The following PRKCA variants were observed in gnomAD, a reference collection of about 807,000 sequenced individuals.
The protein encoded by PRKCA is protein kinase C alpha type.
Under a neutral mutation model 87.0 loss-of-function variants are expected in PRKCA, and 27 were observed. The observed-to-expected ratio is 0.31, with a 90% CI of 0.23 to 0.43. The LOEUF (loss-of-function observed/expected upper bound fraction) is 0.43. Among genes scored for constraint, PRKCA ranks in the 20% least tolerant of loss-of-function variants. PRKCA has a pLI of 1.00. For missense variants in PRKCA, 518 were observed against 852.3 expected (o/e 0.61, Z 4.88); for synonymous variants, 329 against 311.1 (o/e 1.06, Z -0.61).
At chr17:66,569,528 C>T (rs1376544502) in intron 3 of PRKCA, among the ~76,000 whole-genome samples, 2 of 151,982 alleles carry the variant, frequency 1.3e-5, no homozygotes, top group African/African-American at 4.8e-5. Context: ...GAGACCATGC[C>T]ACTGCACTCC....
intron 2 of PRKCA, among the ~76,000 whole-genome samples, chr17:66,390,920 A>ACTCT (rs10637744): frequency 0.75 from 113,372 of 150,712 alleles, 43,558 homozygotes; most frequent in South Asian, 0.87. Flanking sequence ...AAAGGAACCA[A>ACTCT]GTAGCAGAGG....
intron 3 of PRKCA, among the ~76,000 whole-genome samples, chr17:66,516,234 G>C (rs1200751674): frequency 2.0e-5 from 3 of 152,160 alleles, no homozygotes; most frequent in Non-Finnish European, 2.9e-5. Flanking sequence ...GGGTATTAAA[G>C]GAGGGATCAA....
intron 3 of PRKCA, among the ~76,000 whole-genome samples, chr17:66,514,055 C>A (rs564111207): frequency 6.6e-6 from 1 of 152,256 alleles, no homozygotes; most frequent in Admixed American, 6.5e-5. Flanking sequence ...ATTCACATAA[C>A]TTTTATTACA....
At position 66,804,061 on chromosome 17, in the gene PRKCA, C is replaced by G; in HGVS notation, c.*24C>G. On this transcript the variant is annotated 3_prime_UTR_variant, in exon 17 of 17. Coordinates refer to ENST00000413366, the MANE Select transcript of PRKCA (RefSeq NM_002737.3). ...GAAACTCACCAGCGAGAACAAACAC[C>G]TCCCCAGCCCCCAGCCCTCCCCGCA... is the stretch of plus-strand genomic sequence containing the variant. 1 of 1,590,088 alleles carries G rather than the reference C, an allele frequency of 6.3e-7. No homozygotes were observed. Among genetic ancestry groups the G allele is most frequent in the Non-Finnish European group, 8.6e-7 (1 of 1,161,068 alleles).
chr17:66,716,345 G>T (rs1246872831), intron 8 of PRKCA, among the ~76,000 whole-genome samples: 8 of 152,206 alleles, frequency 5.3e-5, no homozygotes, highest in Non-Finnish European at 7.3e-5. Flanking sequence ...TTCCAAAAAT[G>T]ATTAAGTGCC....
At chr17:66,705,324 G>A (rs1236349293) in intron 8 of PRKCA, among the ~76,000 whole-genome samples, 1 of 152,174 alleles carries the variant, frequency 6.6e-6, no homozygotes, top group East Asian at 1.9e-4. Context: ...GCCAACAGAG[G>A]TTAACCTGGC....
At chr17:66,507,385 C>T (rs1247974870) in intron 3 of PRKCA, among the ~76,000 whole-genome samples, 1 of 152,172 alleles carries the variant, frequency 6.6e-6, no homozygotes, top group African/African-American at 2.4e-5. Flanking sequence ...TCTTTTTCCA[C>T]AGTACCACGT....
At chr17:66,325,501 G>A (rs745400783) in intron 2 of PRKCA, among the ~76,000 whole-genome samples, 1 of 152,146 alleles carries the variant, frequency 6.6e-6, no homozygotes, top group Non-Finnish European at 1.5e-5. Flanking sequence ...ACTAGGAGTA[G>A]ACTTGTGTTT....
At chr17:66,727,106 G>A (rs1973772941) in intron 8 of PRKCA, among the ~76,000 whole-genome samples, 1 of 152,194 alleles carries the variant, frequency 6.6e-6, no homozygotes, top group South Asian at 2.1e-4. Context: ...TGGGCTAGGG[G>A]AGGTCCCCAA....
chr17:66,758,729 C>G (rs969841118), intron 13 of PRKCA, among the ~76,000 whole-genome samples: 1 of 152,164 alleles, frequency 6.6e-6, no homozygotes, highest in Non-Finnish European at 1.5e-5. Context: ...TCGCAGTAGC[C>G]TCTCATCTTT....
At chr17:66,781,599 G>C (rs749953213) in intron 14 of PRKCA, among the ~76,000 whole-genome samples, 4 of 152,146 alleles carry the variant, frequency 2.6e-5, no homozygotes, top group Non-Finnish European at 5.9e-5. Context: ...GCCAGTCACA[G>C]GGACGTGTAT....
chr17:66,490,389 G>T (rs1441468388), intron 2 of PRKCA, among the ~76,000 whole-genome samples: 5 of 144,306 alleles, frequency 3.5e-5, no homozygotes, highest in African/African-American at 1.3e-4. Flanking sequence ...TGCTACCCAT[G>T]CTGGAGTGCA....
At chr17:66,638,743 G>A (rs1049260767) in intron 3 of PRKCA, among the ~76,000 whole-genome samples, 1 of 152,112 alleles carries the variant, frequency 6.6e-6, no homozygotes, top group African/African-American at 2.4e-5. Flanking sequence ...AGCTACTCGG[G>A]GGGCTGAGGC....
In PRKCA at chr17:66,660,730, AATATAT is replaced by A. The variant is rs533787939; in HGVS notation, c.529+15227_529+15232del. Among the ~76,000 whole-genome samples, 3 of 151,506 alleles carry A rather than the reference AATATAT, an allele frequency of 2.0e-5. No homozygotes were observed. In the East Asian group the frequency reaches 5.8e-4, roughly 29 times the overall value. On this transcript the variant is annotated intron_variant, in intron 5 of 16. Transcript: ENST00000413366. The stretch of plus-strand genomic sequence containing the variant: ...CGGTGAAAACCTGTCTCTACTAAAA[AATATAT>A]ATATATAATAACAATACAAAAAATT...
chr17:66,762,898 C>A (rs749852698), intron 13 of PRKCA, among the ~76,000 whole-genome samples: 2 of 152,240 alleles, frequency 1.3e-5, no homozygotes, highest in Non-Finnish European at 2.9e-5. Flanking sequence ...TCAAGCGATT[C>A]TCCTGCCTCA....
chr17:66,489,352 C>CATATATATATATAT (rs10529618), intron 2 of PRKCA, among the ~76,000 whole-genome samples: 2 of 98,918 alleles, frequency 2.0e-5, no homozygotes, highest in East Asian at 3.0e-4. Flanking sequence ...CTTAGCAGTG[C>CATATATATATATAT]ATATATATAT....
At chr17:66,566,373 AG>A (rs774650349) in intron 3 of PRKCA, among the ~76,000 whole-genome samples, 46 of 151,888 alleles carry the variant, frequency 3.0e-4, no homozygotes, top group Non-Finnish European at 5.6e-4. Flanking sequence ...TTTATGTTTT[AG>A]GGAGAAAGAA....
intron 2 of PRKCA, among the ~76,000 whole-genome samples, chr17:66,352,514 A>G (rs1184939732): frequency 6.7e-6 from 1 of 149,704 alleles, no homozygotes; most frequent in African/African-American, 2.5e-5. Context: ...GGGAAAGAAT[A>G]TCAGGAGAAA....
chr17:66,383,760 T>C (rs2143601206), intron 2 of PRKCA, among the ~76,000 whole-genome samples: 1 of 152,104 alleles, frequency 6.6e-6, no homozygotes. Flanking sequence ...CAAAACCAGC[T>C]AGGACAACAT....
Sources: gnomAD v4.1 joint callset for allele counts (sites outside exome capture counted in the v4.1 genomes callset) on GRCh38, gnomAD v4.1.1 for gene constraint, MANE v1.5 for transcripts, NCBI Gene and HGNC (gene_info 2026-07-23, HGNC 2026-07-21) for gene names.